Variants in PRSS3 observed in about 807,000 individuals in gnomAD.
PRSS3 encodes the protein trypsin-3.
In PRSS3, 14 loss-of-function variants were observed where a neutral mutation model predicts 20.8. The ratio of observed to expected loss-of-function variants is 0.67; its 90% CI spans 0.44 to 1.05. The LOEUF (loss-of-function observed/expected upper bound fraction) is 1.05, where lower values mean the gene tolerates loss of function less well. Ranked by LOEUF, PRSS3 falls within the 50% of genes least tolerant of loss-of-function variation. The pLI is 0.00. For synonymous variants in PRSS3, 91 were observed against 117.6 expected, an observed-to-expected ratio of 0.77 and a Z score of 1.46; for missense variants, 237 against 306.4, an observed-to-expected ratio of 0.77 and a Z score of 1.69.
At chr9:33,798,344 C>A in intron 3 of PRSS3, 142 bp from the exon 4 acceptor site, 6 of 1,374,024 alleles carry the variant, frequency 4.4e-6, no homozygotes, top group South Asian at 1.3e-5. Context: ...AAACTAAAAG[C>A]CAGAGTCCCT....
intron 1 of PRSS3, among the ~76,000 whole-genome samples, chr9:33,764,410 G>A (rs1309166200): frequency 6.6e-6 from 1 of 152,162 alleles, no homozygotes; most frequent in Admixed American, 6.5e-5. Flanking sequence ...GCACATTCCT[G>A]TAATCCCAGC....
chr9:33,773,220 G>C (rs1823781656), intron 1 of PRSS3, among the ~76,000 whole-genome samples: 1 of 150,866 alleles, frequency 6.6e-6, no homozygotes, highest in Non-Finnish European at 1.5e-5. Context: ...AAATGAGAGA[G>C]AGAGAGAGAG....
intron 1 of PRSS3, among the ~76,000 whole-genome samples, chr9:33,766,263 C>CAAAAA (rs67834191): frequency 4.1e-4 from 30 of 72,794 alleles, no homozygotes; most frequent in South Asian, 1.6e-3. Flanking sequence ...GATTCCGTCT[C>CAAAAA]AAAAAAAAAA....
intron 1 of PRSS3, among the ~76,000 whole-genome samples, chr9:33,761,241 G>C (rs1246199594): frequency 1.3e-5 from 2 of 152,238 alleles, no homozygotes; most frequent in Non-Finnish European, 2.9e-5. Flanking sequence ...TATACTGTCA[G>C]TACTGAGCAT....
rs774688879 is a variant in PRSS3 at position 33,798,104 on chromosome 9, T to C, written c.454+22T>C. 11 of 1,614,226 alleles carry C rather than the reference T, an allele frequency of 6.8e-6. No individual in the cohort carries two copies. The Admixed American group carries it at 1.0e-4, about 15-fold the overall frequency. ...GGTGGTGAGTGGGACCCTTTGTCCT[T>C]CTACTTCCCCCCATCCTCACAATTT... On this transcript the variant is annotated intron_variant, in intron 3 of 4. Coordinates refer to ENST00000379405, the MANE Select transcript of PRSS3 (RefSeq NM_002771.4).
rs1161801436 is a variant in PRSS3, at chr9:33,797,960, T to G, written c.332T>G (p.Ile111Ser). 3.1e-6 allele frequency: 5 copies of G among 1,614,258 alleles called. No individual in the cohort carries two copies. Among genetic ancestry groups the G allele is most frequent in the Non-Finnish European group, 4.2e-6 (5 of 1,180,044 alleles). ...RDTLDNDIML[I>S]KLSSPAVINA... ...ACTCTGGACAATGACATCATGCTGA[T>G]CAAACTCTCCTCACCTGCCGTCATC... is the stretch of plus-strand genomic sequence containing the variant. Residue 111 changes from isoleucine to serine, a missense_variant, in exon 3 of 5, where the codon ATC becomes AGC. Coordinates refer to ENST00000379405, the MANE Select transcript of PRSS3 (RefSeq NM_002771.4).
intron 1 of PRSS3, among the ~76,000 whole-genome samples, chr9:33,787,802 T>C (rs1824472972): frequency 6.6e-6 from 1 of 152,216 alleles, no homozygotes; most frequent in Admixed American, 6.5e-5. Flanking sequence ...TTCAGACCAC[T>C]GCATCTTGGG....
intron 1 of PRSS3, among the ~76,000 whole-genome samples, chr9:33,766,743 C>T (rs892762591): frequency 6.6e-6 from 1 of 151,838 alleles, no homozygotes; most frequent in Non-Finnish European, 1.5e-5. Context: ...AAGCGTATTA[C>T]TGATTGCCAG....
intron 1 of PRSS3, among the ~76,000 whole-genome samples, chr9:33,777,531 C>CAAAAAAAAAAAAAAAAAAA (rs74180503): frequency 9.8e-6 from 1 of 101,872 alleles, no homozygotes; most frequent in Non-Finnish European, 1.9e-5. Flanking sequence ...CTAAAAATAC[C>CAAAAAAAAAAAAAAAAAAA]AAAAAAAAAA....
chr9:33,798,235 C>G (rs1442353632), intron 3 of PRSS3, 153 bp downstream of exon 3: 10 of 1,462,276 alleles, frequency 6.8e-6, no homozygotes, highest in Non-Finnish European at 9.3e-6. Context: ...CAGAGAGATG[C>G]AAAGTCTCAA....
intron 1 of PRSS3, among the ~76,000 whole-genome samples, chr9:33,771,670 C>A: frequency 8.2e-6 from 1 of 122,586 alleles, no homozygotes; most frequent in African/African-American, 3.0e-5. Flanking sequence ...GAGACAGGGT[C>A]TCTTCTGTTG....
At chr9:33,752,792 C>T (rs1311775465) in intron 1 of PRSS3, among the ~76,000 whole-genome samples, 2 of 152,164 alleles carry the variant, frequency 1.3e-5, no homozygotes, top group East Asian at 1.9e-4. Flanking sequence ...CAAACTACAC[C>T]GCTGGAGGAA....
Position 33,798,500 on chromosome 9 carries a change from G to T in PRSS3, c.469G>T (p.Glu157Ter), listed in dbSNP as rs181280420. The change falls in exon 4 of 5, where the codon GAG becomes TAG. Residue 157 changes from glutamate to a stop codon, truncating the protein, a stop_gained. Transcript: ENST00000379405. LOFTEE classifies it high-confidence loss of function. ...GATCCTCACAGCTGACTACCCAGAC[G>T]AGCTGAAGTGCCTGGATGCTCCGGT... The part of the protein sequence containing the change: ...TLSFGADYPD[E>*]LKCLDAPVLT... The T allele has an allele frequency of 3.1e-6, 5 of 1,611,576 alleles. No individual in the cohort carries two copies. The highest frequency in any genetic ancestry group is 4.2e-6 in the Non-Finnish European group (5 of 1,178,862).
chr9:33,771,066 C>T (rs1238200310), intron 1 of PRSS3, among the ~76,000 whole-genome samples: 2 of 152,324 alleles, frequency 1.3e-5, no homozygotes, highest in Non-Finnish European at 1.5e-5. Context: ...ACAACAAAGA[C>T]CCCTGTGGCC....
Position 33,795,609 on chromosome 9 carries a change from T to C in PRSS3, c.36T>C (p.Ala12=). ...NPFLILAFVG[A]AVAVPFDDDD... is the part of the protein sequence containing the mutation. ...TCCTGATCCTTGCCTTTGTGGGAGC[T>C]GCTGGCGAGTTTCATGACCTGCCTC... is the stretch of plus-strand genomic sequence containing the variant. Residue 12 remains alanine (A), a synonymous_variant, in exon 1 of 5, where the codon GCT becomes GCC. Transcript: ENST00000379405. The C allele has an allele frequency of 6.2e-7, 1 of 1,614,138 alleles. No individual in the cohort carries two copies. The highest frequency in any genetic ancestry group is 2.2e-5 in the East Asian group (1 of 44,884).
intron 1 of PRSS3, among the ~76,000 whole-genome samples, chr9:33,788,117 C>G (rs1167266187): frequency 6.6e-6 from 1 of 152,202 alleles, no homozygotes; most frequent in African/African-American, 2.4e-5. Context: ...GGGACTGGAA[C>G]AGAGCCCTGG....
chr9:33,763,615 C>T (rs1423473798), intron 1 of PRSS3, among the ~76,000 whole-genome samples: 2 of 146,976 alleles, frequency 1.4e-5, no homozygotes, highest in African/African-American at 2.5e-5. Flanking sequence ...AGGAGAATGG[C>T]GTGAACCCGG....
chr9:33,771,388 C>T (rs1443567539), intron 1 of PRSS3, among the ~76,000 whole-genome samples: 2 of 150,470 alleles, frequency 1.3e-5, no homozygotes, highest in African/African-American at 2.4e-5. Context: ...TGCAGTGGCG[C>T]GATCTCAGCT....
chr9:33,793,788 C>T, upstream of PRSS3: 1 of 801,040 alleles, frequency 1.2e-6, no homozygotes, highest in South Asian at 5.7e-5. Context: ...GTCTCTTCCT[C>T]TATAAATGGA....
Sources: gnomAD v4.1 joint callset for allele counts (sites outside exome capture counted in the v4.1 genomes callset) on GRCh38, gnomAD v4.1.1 for gene constraint, MANE v1.5 for transcripts, NCBI Gene and HGNC (gene_info 2026-07-23, HGNC 2026-07-21) for gene names.